AASS: variants seen among roughly 807,000 people sequenced by gnomAD.
AASS encodes alpha-aminoadipic semialdehyde synthase, mitochondrial.
A neutral mutation model predicts 105.4 loss-of-function variants in AASS; 86 were observed. The ratio of observed to expected loss-of-function variants is 0.82; its 90% CI spans 0.69 to 0.98. AASS has a LOEUF of 0.98. Ranked by LOEUF, AASS falls within the 50% of genes least tolerant of loss-of-function variation. The pLI is 0.00. For synonymous variants in AASS, 381 were observed against 394.8 expected (o/e 0.96, Z 0.41); for missense variants, 1,048 against 1,143.2 (o/e 0.92, Z 1.20).
chr7:122,128,782 T>A (rs1447266639), intron 3 of AASS, among the ~76,000 whole-genome samples: 1 of 152,106 alleles, frequency 6.6e-6, no homozygotes, highest in Non-Finnish European at 1.5e-5. Context: ...TGTGAATAAA[T>A]GTAAAAATTG....
At position 122,116,713 on chromosome 7, in the gene AASS, C is replaced by A. The variant is rs1040791296; in HGVS notation, c.814G>T (p.Val272Phe). Residue 272 changes from valine to phenylalanine, a missense_variant, in exon 8 of 24, where the codon GTC becomes TTC. Val to Phe is a conservative substitution (Grantham distance 50). Transcript: ENST00000417368. The stretch of plus-strand genomic sequence containing the variant: ...TCATACACAGCATCTGTTTTCCTGA[C>A]AAGATGATGATGACGACTTAACACC... Reference protein sequence around the residue: ...GTVLSRHHHLVRKTDAVYDPA... With the variant: ...GTVLSRHHHLFRKTDAVYDPA... The A allele has an allele frequency of 2.5e-6, 4 of 1,613,950 alleles. No individual in the cohort carries two copies. Among genetic ancestry groups the A allele is most frequent in the Non-Finnish European group, 3.4e-6 (4 of 1,179,996 alleles).
At chr7:122,105,112 A>G (rs1220331344) in intron 11 of AASS, among the ~76,000 whole-genome samples, 1 of 152,104 alleles carries the variant, frequency 6.6e-6, no homozygotes, top group Non-Finnish European at 1.5e-5. Flanking sequence ...AACTTAACAC[A>G]AAAATTTTCA....
intron 15 of AASS, among the ~76,000 whole-genome samples, chr7:122,096,138 C>T (rs1458610162): frequency 1.3e-5 from 2 of 152,056 alleles, no homozygotes; most frequent in Non-Finnish European, 2.9e-5. Context: ...GTGAAAAATA[C>T]ACACAAAATA....
At position 122,078,864 on chromosome 7, in the gene AASS, T is replaced by C. The variant is rs1363529834; in HGVS notation, c.2483A>G (p.Tyr828Cys). The change falls in exon 22 of 24, where the codon TAT becomes TGT. Residue 828 changes from tyrosine to cysteine, a missense_variant and splice_region_variant. Transcript: ENST00000417368. ...TTAGCTAATACTTCATGGCCTACCA[T>C]AGGAAAGCTTCATGACCAAATGCTT... The part of the protein sequence containing the change: ...LSKHLVMKLS[Y>C]GPEEKDMIVM... The C allele has an allele frequency of 6.2e-7, 1 of 1,613,570 alleles. No individual in the cohort carries two copies.
intron 19 of AASS, chr7:122,082,702 G>A (rs938890496): frequency 6.1e-5 from 42 of 685,724 alleles, no homozygotes; most frequent in Non-Finnish European, 8.9e-5. Flanking sequence ...CACCACTGAC[G>A]ACTAAACTGT....
rs73426019 is a variant in AASS at position 122,116,371 on chromosome 7, C to A, written c.894+262G>T. Among the ~76,000 whole-genome samples the A allele has an allele frequency of 4.3e-3, 649 of 152,226 alleles. 7 individuals carry two copies. Among genetic ancestry groups the A allele is most frequent in the African/African-American group, 0.015 (619 of 41,528 alleles). On this transcript the variant is annotated intron_variant, in intron 8 of 23. Transcript: ENST00000417368. ...CAGTAACGCACAGGAAATGGCTTAGCGCTATTGGGCACATGTAGACCTGAA... is the reference window on the plus strand; with the variant it reads ...CAGTAACGCACAGGAAATGGCTTAGAGCTATTGGGCACATGTAGACCTGAA...
At chr7:122,095,417 ACT>A (rs143754427) in intron 15 of AASS, among the ~76,000 whole-genome samples, 2,903 of 152,150 alleles carry the variant, frequency 0.019, 38 homozygotes, top group Non-Finnish European at 0.028. Context: ...ATAATAAAAT[ACT>A]CTGTTAATTA....
intron 1 of AASS, among the ~76,000 whole-genome samples, chr7:122,134,745 T>C (rs1178734325): frequency 5.1e-5 from 7 of 136,884 alleles, no homozygotes; most frequent in African/African-American, 2.0e-4. Context: ...GAACTAGAAA[T>C]ACCATTTGAC....
chr7:122,086,467 T>C (rs1793630238), intron 18 of AASS, among the ~76,000 whole-genome samples: 1 of 151,750 alleles, frequency 6.6e-6, no homozygotes, highest in South Asian at 2.1e-4. Context: ...CACTAAATTA[T>C]TTCCCACTAG....
rs1018743622 is a variant in AASS at position 122,097,190 on chromosome 7, T to A, written c.1655+1260A>T. Among the ~76,000 whole-genome samples the A allele has an allele frequency of 3.8e-4, 58 of 151,594 alleles. 1 individual carries two copies. The highest frequency in any genetic ancestry group is 7.2e-4 in the Non-Finnish European group (49 of 67,832). On this transcript the variant is annotated intron_variant, in intron 15 of 23. Coordinates refer to ENST00000417368, the MANE Select transcript of AASS (RefSeq NM_005763.4). The stretch of plus-strand genomic sequence containing the variant: ...TTTTCCAAGCCTGCTTTTTTTTTTT[T>A]AAAGCAGAACATCACAGAACTTCCT...
chr7:122,086,496 AT>A (rs1477353520), intron 18 of AASS, among the ~76,000 whole-genome samples: 1 of 151,722 alleles, frequency 6.6e-6, no homozygotes, highest in East Asian at 1.9e-4. Context: ...TTTTTAAAAA[AT>A]ATAAACATTT....
At chr7:122,132,046 GTCCACACT>G (rs1795940686) in intron 2 of AASS, among the ~76,000 whole-genome samples, 1 of 152,168 alleles carries the variant, frequency 6.6e-6, no homozygotes, top group South Asian at 2.1e-4. Flanking sequence ...GCAAATTTGA[GTCCACACT>G]TTGATAAACA....
chr7:122,091,612 A>T, intron 18 of AASS, 91 bp downstream of exon 18: 10 of 1,588,832 alleles, frequency 6.3e-6, no homozygotes, highest in Non-Finnish European at 8.6e-6. Context: ...CAGCATCACC[A>T]TTATTAAAGG....
In AASS at chr7:122,092,990, A is replaced by G. The variant is rs1024480270; in HGVS notation, c.1767-39T>C. ...AAAGAGGAAAAAGGAAAACTTGGAT[A>G]TAAAATAAAAACAATGCCATGGATC... On this transcript the variant is annotated intron_variant, in intron 16 of 23. Transcript: ENST00000417368. The G allele has an allele frequency of 6.2e-6, 10 of 1,611,870 alleles. No homozygotes were observed. In the African/African-American group the frequency reaches 1.2e-4, roughly 19 times the overall value.
chr7:122,126,599 ATAC>A, intron 3 of AASS, 140 bp from the exon 4 acceptor site: 1 of 726,854 alleles, frequency 1.4e-6, no homozygotes, highest in Non-Finnish European at 2.4e-6. Context: ...ACCATCAGGT[ATAC>A]CATGAAATAT....
chr7:122,107,950 C>CAAAAAAAA (rs71172163), intron 11 of AASS, among the ~76,000 whole-genome samples: 2 of 107,952 alleles, frequency 1.9e-5, no homozygotes, highest in Admixed American at 9.5e-5. Flanking sequence ...ACCCACAACT[C>CAAAAAAAA]AAAAAAAAAA....
Position 122,113,188 on chromosome 7 carries a change from A to G in AASS, c.1208T>C (p.Leu403Ser). ...SGILMCSIDN[L>S]PAQLPIEATE... Reference sequence around the variant, plus strand: ...AGCTTCAATTGGGAGCTGTGCCGGCAAATTGTCAATGGAACACATCAGGAT... The same window carrying G: ...AGCTTCAATTGGGAGCTGTGCCGGCGAATTGTCAATGGAACACATCAGGAT... The change falls in exon 11 of 24, where the codon TTG becomes TCG. Residue 403 changes from leucine (L) to serine (S), a missense_variant. Transcript: ENST00000417368. 1 of 1,614,084 alleles carries G rather than the reference A, an allele frequency of 6.2e-7. No homozygotes were observed. The highest frequency in any genetic ancestry group is 8.5e-7 in the Non-Finnish European group (1 of 1,179,964).
At position 122,118,552 on chromosome 7, in the gene AASS, A is replaced by G. The variant is rs1314531790; in HGVS notation, c.540+11T>C. 1.9e-6 allele frequency: 3 copies of G among 1,613,960 alleles called. No homozygotes were observed. Among genetic ancestry groups the G allele is most frequent in the South Asian group, 1.1e-5 (1 of 91,088 alleles). On this transcript the variant is annotated intron_variant, in intron 5 of 23. Transcript: ENST00000417368. ...GTTTTCAAAAAAATTAGCAAAATAAACATCTCTTACCATAAAAGGTGTGTG... is the reference window on the plus strand; with the variant it reads ...GTTTTCAAAAAAATTAGCAAAATAAGCATCTCTTACCATAAAAGGTGTGTG...
chr7:122,112,870 A>G (rs1167339905), intron 11 of AASS, among the ~76,000 whole-genome samples: 2 of 152,226 alleles, frequency 1.3e-5, no homozygotes, highest in Non-Finnish European at 2.9e-5. Context: ...CATTCTTAAT[A>G]AAAGACCTAT....
Sources: allele counts gnomAD v4.1 joint callset (sites outside exome capture counted in the v4.1 genomes callset), GRCh38; gene constraint gnomAD v4.1.1; transcripts MANE v1.5; gene names NCBI Gene and HGNC (gene_info 2026-07-23, HGNC 2026-07-21).